Variants in NPAS3 observed in about 807,000 individuals in gnomAD.
NPAS3 encodes neuronal PAS domain-containing protein 3.
Under a neutral mutation model 73.1 loss-of-function variants are expected in NPAS3, and 14 were observed. The ratio of observed to expected loss-of-function variants is 0.19; its 90% confidence interval spans 0.13 to 0.30. The LOEUF (loss-of-function observed/expected upper bound fraction) is 0.30. NPAS3 is among the 10% of genes least tolerant of loss of function. The pLI is 1.00. For missense variants in NPAS3, 1,096 were observed against 1,250.0 expected (o/e 0.88, Z 1.86); for synonymous variants, 620 against 541.5 (o/e 1.14, Z -2.01).
At chr14:33,537,088 A>G (rs1454698919) in intron 4 of NPAS3, among the ~76,000 whole-genome samples, 1 of 152,232 alleles carries the variant, frequency 6.6e-6, no homozygotes, top group Non-Finnish European at 1.5e-5. Flanking sequence ...TATATCTGAC[A>G]GGAATGGTAA....
chr14:33,211,812 T>C (rs1185825847), intron 2 of NPAS3, among the ~76,000 whole-genome samples: 1 of 152,168 alleles, frequency 6.6e-6, no homozygotes, highest in Admixed American at 6.5e-5. Context: ...AGAGTTGAAA[T>C]TTTCATTTGC....
intron 2 of NPAS3, among the ~76,000 whole-genome samples, chr14:33,194,048 C>T (rs910758086): frequency 4.6e-5 from 7 of 152,074 alleles, no homozygotes; most frequent in East Asian, 1.9e-4. Context: ...CATGATTTAA[C>T]GAAACCAAAG....
chr14:33,400,791 G>A (rs1402520554), intron 4 of NPAS3, among the ~76,000 whole-genome samples: 1 of 151,956 alleles, frequency 6.6e-6, no homozygotes, highest in Non-Finnish European at 1.5e-5. Flanking sequence ...AGTGGTGGTG[G>A]TGGTGGTATT....
chr14:33,371,385 T>C (rs1367001211), intron 4 of NPAS3, among the ~76,000 whole-genome samples: 1 of 152,152 alleles, frequency 6.6e-6, no homozygotes, highest in Non-Finnish European at 1.5e-5. Context: ...GAGAAATTTG[T>C]GTTTTTCATG....
rs543291100 is a variant in NPAS3, at chr14:33,355,382, C to T, written c.386-11804C>T. On this transcript the variant is annotated intron_variant, in intron 3 of 11. Transcript: ENST00000356141. Reference sequence around the variant, plus strand: ...GTGGCGAGATCTCGGCTCACTGCATCCTCCGCCTCCCAGGTTCAAGCGATT... The same window carrying T: ...GTGGCGAGATCTCGGCTCACTGCATTCTCCGCCTCCCAGGTTCAAGCGATT... Among the ~76,000 whole-genome samples the T allele has an allele frequency of 3.3e-5, 5 of 152,240 alleles. No individual in the cohort carries two copies. In the South Asian group the frequency reaches 1.0e-3, roughly 32 times the overall value.
intron 7 of NPAS3, among the ~76,000 whole-genome samples, chr14:33,763,414 G>C (rs1215304461): frequency 6.6e-6 from 1 of 152,216 alleles, no homozygotes; most frequent in African/African-American, 2.4e-5. Context: ...TCTGTGCCTA[G>C]CAAAGAGTGT....
At chr14:33,196,410 G>A (rs1168371845) in intron 2 of NPAS3, among the ~76,000 whole-genome samples, 1 of 152,218 alleles carries the variant, frequency 6.6e-6, no homozygotes, top group Non-Finnish European at 1.5e-5. Flanking sequence ...TGACCACAGA[G>A]GGGAAGCAAA....
rs542126973 is a variant in NPAS3 at position 33,650,068 on chromosome 14, A to G, written c.559-26143A>G. 1.4e-4 allele frequency among the ~76,000 whole-genome samples: 22 copies of G among 152,338 alleles called. 1 individual carries two copies. The South Asian group carries it at 3.9e-3, about 27-fold the overall frequency. The stretch of plus-strand genomic sequence containing the variant: ...AGGACAGTCTGATTTAGTGCCTTAA[A>G]TGGGACCAGGAGGATGTGTTTTTAA... On this transcript the variant is annotated intron_variant, in intron 5 of 11. Transcript: ENST00000356141.
intron 6 of NPAS3, among the ~76,000 whole-genome samples, chr14:33,709,590 G>C (rs1402326776): frequency 2.0e-5 from 3 of 152,186 alleles, no homozygotes; most frequent in African/African-American, 7.2e-5. Flanking sequence ...GTTCTTTCCA[G>C]TGTGAGAAGT....
chr14:33,744,659 G>A (rs1196544905), intron 7 of NPAS3, among the ~76,000 whole-genome samples: 2 of 152,052 alleles, frequency 1.3e-5, no homozygotes, highest in Non-Finnish European at 2.9e-5. Flanking sequence ...GCATAGTGGT[G>A]CCTGCCTGTG....
At chr14:33,566,279 G>T (rs983592200) in intron 5 of NPAS3, among the ~76,000 whole-genome samples, 1 of 151,660 alleles carries the variant, frequency 6.6e-6, no homozygotes, top group Non-Finnish European at 1.5e-5. Flanking sequence ...CTGTCCGAGT[G>T]CTTGACAGAG....
At chr14:33,129,459 G>T (rs1044144905) in intron 2 of NPAS3, among the ~76,000 whole-genome samples, 1 of 152,136 alleles carries the variant, frequency 6.6e-6, no homozygotes, top group African/African-American at 2.4e-5. Context: ...GAAGGTGCCT[G>T]TTCCTCATAA....
intron 1 of NPAS3, among the ~76,000 whole-genome samples, chr14:32,940,258 T>G (rs1160031380): frequency 7.9e-5 from 12 of 152,188 alleles, no homozygotes; most frequent in Non-Finnish European, 2.9e-5. Flanking sequence ...TTGAAGTTAG[T>G]TAAACTAGTA....
At chr14:33,374,920 G>A (rs1225922942) in intron 4 of NPAS3, among the ~76,000 whole-genome samples, 1 of 152,126 alleles carries the variant, frequency 6.6e-6, no homozygotes, top group African/African-American at 2.4e-5. Context: ...TTTGATGGTA[G>A]TGTTTTCAAA....
At chr14:33,691,903 C>G in intron 6 of NPAS3, among the ~76,000 whole-genome samples, 1 of 152,134 alleles carries the variant, frequency 6.6e-6, no homozygotes, top group East Asian at 1.9e-4. Context: ...ATCACCAAGG[C>G]CCTTCCTCTG....
chr14:33,252,083 G>C (rs898958208), intron 3 of NPAS3, among the ~76,000 whole-genome samples: 2 of 151,242 alleles, frequency 1.3e-5, no homozygotes, highest in Non-Finnish European at 3.0e-5. Flanking sequence ...GTGTGTGTGT[G>C]TGTGTGTGTA....
At chr14:33,645,440 C>G (rs540902842) in intron 5 of NPAS3, among the ~76,000 whole-genome samples, 2 of 152,292 alleles carry the variant, frequency 1.3e-5, no homozygotes, top group Admixed American at 6.5e-5. Context: ...GAAATATGGT[C>G]TAATAGCATT....
At chr14:33,620,673 A>G (rs1170351101) in intron 5 of NPAS3, among the ~76,000 whole-genome samples, 1 of 152,200 alleles carries the variant, frequency 6.6e-6, no homozygotes, top group Non-Finnish European at 1.5e-5. Flanking sequence ...AATAGACATA[A>G]CATACAGTTA....
intron 2 of NPAS3, among the ~76,000 whole-genome samples, chr14:33,120,179 T>C (rs2043189723): frequency 6.6e-6 from 1 of 152,136 alleles, no homozygotes; most frequent in South Asian, 2.1e-4. Flanking sequence ...CAGGCTGGTC[T>C]TGACCTCCTG....
Sources: allele counts gnomAD v4.1 joint callset (sites outside exome capture counted in the v4.1 genomes callset), GRCh38; gene constraint gnomAD v4.1.1; transcripts MANE v1.5; gene names NCBI Gene and HGNC (gene_info 2026-07-23, HGNC 2026-07-21).